Variants in ST6GAL1 observed in about 807,000 individuals in gnomAD.
ST6GAL1 encodes beta-galactoside alpha-2,6-sialyltransferase 1.
Under a neutral mutation model 38.0 loss-of-function variants are expected in ST6GAL1, and 20 were observed. The observed-to-expected ratio is 0.53, with a 90% CI of 0.37 to 0.77. The LOEUF (loss-of-function observed/expected upper bound fraction) is 0.77. Ranked by LOEUF, ST6GAL1 falls within the 30% of genes least tolerant of loss-of-function variation. The pLI is 0.00. For missense variants in ST6GAL1, 432 were observed against 496.4 expected (o/e 0.87, Z 1.23); for synonymous variants, 196 against 188.2 (o/e 1.04, Z -0.34).
In ST6GAL1 at chr3:187,042,743, G is replaced by T. The variant is rs770801889; in HGVS notation, c.40G>T (p.Val14Phe). The T allele has an allele frequency of 5.6e-6, 9 of 1,613,892 alleles. No homozygotes were observed. Among genetic ancestry groups the T allele is most frequent in the Non-Finnish European group, 6.8e-6 (8 of 1,179,912 alleles). The change falls in exon 4 of 8, where the codon GTC (valine) becomes TTC (phenylalanine). Residue 14 changes from valine to phenylalanine, a missense_variant. By Grantham distance (50) the Val-to-Phe change is conservative. Transcript: ENST00000169298. ...TNLKKKFSCC[V>F]LVFLLFAVIC... ...CCTGAAGAAAAAGTTCAGCTGCTGCGTCCTGGTCTTTCTTCTGTTTGCAGT... is the reference window on the plus strand; with the variant it reads ...CCTGAAGAAAAAGTTCAGCTGCTGCTTCCTGGTCTTTCTTCTGTTTGCAGT...
At chr3:187,019,010 A>G (rs1345561483) in intron 2 of ST6GAL1, among the ~76,000 whole-genome samples, 2 of 152,186 alleles carry the variant, frequency 1.3e-5, no homozygotes, top group African/African-American at 2.4e-5. Context: ...ACTTTTATCA[A>G]CTGACTGTGG....
At chr3:187,064,413 G>T (rs948318923) in intron 5 of ST6GAL1, 5 of 425,126 alleles carry the variant, frequency 1.2e-5, no homozygotes, top group African/African-American at 2.0e-5. Flanking sequence ...TTCACAAAGG[G>T]TTGCGAAATA....
intron 1 of ST6GAL1, among the ~76,000 whole-genome samples, chr3:186,953,096 C>T (rs3954168): frequency 0.92 from 139,734 of 152,228 alleles, 64,237 homozygotes; most frequent in Middle Eastern, 0.96. Context: ...AATCGTTTCA[C>T]AACTGAGCCT....
chr3:186,999,521 C>T (rs1012333412), intron 2 of ST6GAL1, among the ~76,000 whole-genome samples: 39 of 151,718 alleles, frequency 2.6e-4, no homozygotes, highest in African/African-American at 9.4e-4. Flanking sequence ...AGGCCATTCT[C>T]CTGCCTCAGC....
chr3:187,052,152 T>C (rs1170486822), intron 5 of ST6GAL1, among the ~76,000 whole-genome samples: 1 of 152,098 alleles, frequency 6.6e-6, no homozygotes, highest in African/African-American at 2.4e-5. Context: ...GCAGTGTCTG[T>C]GGAATGTGTG....
intron 2 of ST6GAL1, among the ~76,000 whole-genome samples, chr3:187,037,600 A>C (rs1337508670): frequency 6.6e-6 from 1 of 152,208 alleles, no homozygotes. Context: ...TGGTTTGTTT[A>C]GAGACAGGTT....
intron 1 of ST6GAL1, among the ~76,000 whole-genome samples, chr3:186,935,009 A>T (rs1429408197): frequency 6.6e-6 from 1 of 151,972 alleles, no homozygotes; most frequent in Non-Finnish European, 1.5e-5. Flanking sequence ...TATTTTTTTT[A>T]AACTTTTATT....
intron 1 of ST6GAL1, among the ~76,000 whole-genome samples, chr3:186,936,071 C>G (rs1713943350): frequency 6.6e-6 from 1 of 152,168 alleles, no homozygotes; most frequent in South Asian, 2.1e-4. Flanking sequence ...GAAGTCCAGC[C>G]TAGCTCCACC....
At chr3:186,991,387 G>A (rs1446312254) in intron 2 of ST6GAL1, among the ~76,000 whole-genome samples, 1 of 152,146 alleles carries the variant, frequency 6.6e-6, no homozygotes, top group South Asian at 2.1e-4. Flanking sequence ...ACTGTGAGGG[G>A]CGCTGTCTTG....
chr3:187,037,476 T>C (rs765031019), intron 2 of ST6GAL1, among the ~76,000 whole-genome samples: 1 of 152,244 alleles, frequency 6.6e-6, no homozygotes, highest in Non-Finnish European at 1.5e-5. Flanking sequence ...TGTATAGATG[T>C]TGAAATTTTC....
chr3:187,064,014 C>T (rs1271342758), intron 5 of ST6GAL1, among the ~76,000 whole-genome samples: 1 of 152,054 alleles, frequency 6.6e-6, no homozygotes, highest in Non-Finnish European at 1.5e-5. Flanking sequence ...CTACTGAAAC[C>T]TGAATGTCTG....
chr3:187,015,903 C>A lies in ST6GAL1; in HGVS notation c.-182-22839C>A, dbSNP rs373289666. Among the ~76,000 whole-genome samples, 7 of 152,308 alleles carry A rather than the reference C, an allele frequency of 4.6e-5. 1 individual carries two copies. The highest frequency in any genetic ancestry group is 1.7e-4 in the African/African-American group (7 of 41,576). On this transcript the variant is annotated intron_variant, in intron 2 of 7. Transcript: ENST00000169298. ...GGATTCAGACAGTTCTGGGTTCAAA[C>A]CTTGGCCCTGCCATTTACTAGCAGA...
At chr3:187,033,359 G>C (rs1717820279) in intron 2 of ST6GAL1, among the ~76,000 whole-genome samples, 1 of 136,690 alleles carries the variant, frequency 7.3e-6, no homozygotes, top group Non-Finnish European at 1.5e-5. Flanking sequence ...CTTGCAGTGA[G>C]CCAAGATTGC....
intron 1 of ST6GAL1, among the ~76,000 whole-genome samples, chr3:186,935,996 AGGGG>A (rs61017636): frequency 0.24 from 35,916 of 151,900 alleles, 4,415 homozygotes; most frequent in Middle Eastern, 0.31. Context: ...GTGGGAGTGG[AGGGG>A]GTCTTGTGCT....
rs895850057 is a variant in ST6GAL1, at chr3:186,957,485, C to T, written c.-324-6300C>T. Among the ~76,000 whole-genome samples, 3 of 151,790 alleles carry T rather than the reference C, an allele frequency of 2.0e-5. No individual in the cohort carries two copies. In the East Asian group the frequency reaches 5.8e-4, roughly 29 times the overall value. ...GAAAAGAAAAATAAGAAGGATTATTCTAAGAAGCCCAACATCAGAATAGTA... is the reference window on the plus strand; with the variant it reads ...GAAAAGAAAAATAAGAAGGATTATTTTAAGAAGCCCAACATCAGAATAGTA... On this transcript the variant is annotated intron_variant, in intron 1 of 7. Coordinates refer to ENST00000169298, the MANE Select transcript of ST6GAL1 (RefSeq NM_173216.2).
intron 5 of ST6GAL1, among the ~76,000 whole-genome samples, chr3:187,065,787 A>G (rs1719083862): frequency 6.6e-6 from 1 of 152,196 alleles, no homozygotes; most frequent in Admixed American, 6.5e-5. Context: ...TTGAAATAAT[A>G]GTTGATGCCA....
intron 5 of ST6GAL1, among the ~76,000 whole-genome samples, chr3:187,061,471 C>T (rs1560181187): frequency 6.6e-6 from 1 of 151,896 alleles, no homozygotes; most frequent in Non-Finnish European, 1.5e-5. Flanking sequence ...TTCTTGATTT[C>T]AAAAAATACA....
chr3:186,994,201 C>A (rs1466818883), intron 2 of ST6GAL1, among the ~76,000 whole-genome samples: 1 of 152,074 alleles, frequency 6.6e-6, no homozygotes, highest in African/African-American at 2.4e-5. Context: ...GAAATAATGC[C>A]CACAGTTCTG....
In ST6GAL1 at chr3:186,992,016, A is replaced by G. The variant is rs551411452; in HGVS notation, c.-183+28090A>G. On this transcript the variant is annotated intron_variant, in intron 2 of 7. Coordinates refer to ENST00000169298, the MANE Select transcript of ST6GAL1 (RefSeq NM_173216.2). ...AAATCGATCCTGAGGTTGGGAATCC[A>G]GTTCTTCAAACTGAGCCCTTCAGAC... is the stretch of plus-strand genomic sequence containing the variant. 3.3e-5 allele frequency among the ~76,000 whole-genome samples: 5 copies of G among 152,300 alleles called. No individual in the cohort carries two copies. In the South Asian group the frequency reaches 1.0e-3, roughly 32 times the overall value.
Sources: gnomAD v4.1 joint callset for allele counts (sites outside exome capture counted in the v4.1 genomes callset) on GRCh38, gnomAD v4.1.1 for gene constraint, MANE v1.5 for transcripts, NCBI Gene and HGNC (gene_info 2026-07-23, HGNC 2026-07-21) for gene names.